Variants in ZNF385D observed in about 807,000 individuals in gnomAD.
ZNF385D encodes zinc finger protein 659.
A neutral mutation model predicts 35.8 loss-of-function variants in ZNF385D; 15 were observed. The ratio of observed to expected loss-of-function variants is 0.42; its 90% CI spans 0.28 to 0.64. The LOEUF is 0.64. ZNF385D is among the 30% of genes least tolerant of loss of function. The probability of loss-of-function intolerance (pLI) is 0.23; values close to 1 mark genes in which losing one functional copy is unlikely to be tolerated. For synonymous variants in ZNF385D, 212 were observed against 186.8 expected (o/e 1.13, Z -1.10); for missense variants, 474 against 494.6 (o/e 0.96, Z 0.39).
At chr3:21,848,188 A>G (rs1238972772) in intron 3 of ZNF385D, among the ~76,000 whole-genome samples, 1 of 151,936 alleles carries the variant, frequency 6.6e-6, no homozygotes, top group Non-Finnish European at 1.5e-5. Flanking sequence ...CTTTTTTTTA[A>G]AAAAGGACAA....
chr3:21,709,058 T>C (rs2068007041), intron 1 of ZNF385D, among the ~76,000 whole-genome samples: 2 of 152,118 alleles, frequency 1.3e-5, no homozygotes, highest in African/African-American at 4.8e-5. Context: ...TAATTAAAAC[T>C]CTCACAGGCT....
chr3:22,031,402 A>C (rs1044791202), intron 3 of ZNF385D, among the ~76,000 whole-genome samples: 1 of 152,148 alleles, frequency 6.6e-6, no homozygotes, highest in Non-Finnish European at 1.5e-5. Context: ...AGAGGTTCCC[A>C]AAACCTCAGC....
At chr3:21,441,596 A>T in intron 4 of ZNF385D, 1 of 696,546 alleles carries the variant, frequency 1.4e-6, no homozygotes, top group Non-Finnish European at 1.8e-6. Flanking sequence ...TCAATTACGT[A>T]TATCCAAATA....
intron 3 of ZNF385D, among the ~76,000 whole-genome samples, chr3:21,546,429 A>G (rs150768287): frequency 0.011 from 1,654 of 152,202 alleles, 9 homozygotes; most frequent in Non-Finnish European, 0.015. Context: ...AATCCCAGCA[A>G]GCCTAACTAT....
At chr3:21,916,853 T>A (rs1015605551) in intron 3 of ZNF385D, among the ~76,000 whole-genome samples, 1 of 152,190 alleles carries the variant, frequency 6.6e-6, no homozygotes, top group African/African-American at 2.4e-5. Context: ...AAAAGGAAAC[T>A]TAGCTTTAGA....
At chr3:22,226,336 G>C (rs933244870) in intron 2 of ZNF385D, among the ~76,000 whole-genome samples, 1 of 152,038 alleles carries the variant, frequency 6.6e-6, no homozygotes, top group African/African-American at 2.4e-5. Flanking sequence ...GAATCTTAGA[G>C]TCATAAACAG....
chr3:21,518,333 T>A (rs1707704831), intron 3 of ZNF385D, among the ~76,000 whole-genome samples: 1 of 152,180 alleles, frequency 6.6e-6, no homozygotes, highest in African/African-American at 2.4e-5. Flanking sequence ...AACATCCTTA[T>A]AATTCTAACA....
chr3:22,127,175 T>C (rs1477129837), intron 3 of ZNF385D, among the ~76,000 whole-genome samples: 5 of 152,046 alleles, frequency 3.3e-5, no homozygotes, highest in Non-Finnish European at 7.4e-5. Flanking sequence ...CATTCAATGT[T>C]ATTATTGATA....
chr3:21,663,519 G>C (rs976571608), intron 2 of ZNF385D, among the ~76,000 whole-genome samples: 1 of 151,984 alleles, frequency 6.6e-6, no homozygotes, highest in Non-Finnish European at 1.5e-5. Context: ...CTTAACAGAA[G>C]AGCAGGCAAG....
At chr3:21,974,247 T>C (rs1003333759) in intron 3 of ZNF385D, among the ~76,000 whole-genome samples, 3 of 151,986 alleles carry the variant, frequency 2.0e-5, no homozygotes, top group East Asian at 1.9e-4. Flanking sequence ...TGGAACAGAA[T>C]AGAGAACCCA....
At chr3:21,654,647 A>C (rs12152385) in intron 2 of ZNF385D, among the ~76,000 whole-genome samples, 13,085 of 152,134 alleles carry the variant, frequency 0.086, 679 homozygotes, top group East Asian at 0.17. Flanking sequence ...ATAGACCAAT[A>C]CTTTTATAAA....
chr3:22,138,979 C>T (rs1394590822), intron 3 of ZNF385D, among the ~76,000 whole-genome samples: 4 of 152,094 alleles, frequency 2.6e-5, no homozygotes, highest in Non-Finnish European at 4.4e-5. Context: ...AAGAAAAAAA[C>T]AAACAACCCC....
At chr3:21,759,390 C>CCGGGGGAGGGGGGAGGGATAGCATTGGG (rs1559593937) in intron 3 of ZNF385D, among the ~76,000 whole-genome samples, 3 of 151,700 alleles carry the variant, frequency 2.0e-5, no homozygotes, top group African/African-American at 7.3e-5. Context: ...GATCTTCAAG[C>CCGGGGGAGGGGGGAGGGATAGCATTGGG]AATGTAAGGT....
intron 3 of ZNF385D, among the ~76,000 whole-genome samples, chr3:21,922,061 C>G (rs368823183): frequency 2.0e-5 from 3 of 151,984 alleles, no homozygotes; most frequent in Admixed American, 1.3e-4. Flanking sequence ...AATGACAGGT[C>G]AATATTCCTG....
chr3:21,918,799 AT>A, intron 3 of ZNF385D, among the ~76,000 whole-genome samples: 1 of 152,222 alleles, frequency 6.6e-6, no homozygotes, highest in Non-Finnish European at 1.5e-5. Flanking sequence ...ATTTTTAATC[AT>A]TTTAGTTAAA....
chr3:22,021,883 A>G (rs1697243925), intron 3 of ZNF385D, among the ~76,000 whole-genome samples: 1 of 152,070 alleles, frequency 6.6e-6, no homozygotes, highest in Non-Finnish European at 1.5e-5. Flanking sequence ...TGCACTTGGA[A>G]TGTTTAGAAT....
rs73050131 is a variant in ZNF385D at position 22,027,210 on chromosome 3, G to A, written c.325+141607C>T. ...CCTACAACCAAGAAAGAGGTACAAT[G>A]CCTAGTCCACTTATTTGGATTTTGG... On this transcript the variant is annotated intron_variant, in intron 3 of 5. Coordinates refer to the ZNF385D transcript ENST00000494108. 3.5e-3 allele frequency among the ~76,000 whole-genome samples: 535 copies of A among 152,264 alleles called. 1 individual carries two copies. Among genetic ancestry groups the A allele is most frequent in the Non-Finnish European group, 4.6e-3 (312 of 68,022 alleles).
chr3:21,704,317 G>A (rs1407608213), intron 1 of ZNF385D, among the ~76,000 whole-genome samples: 1 of 151,938 alleles, frequency 6.6e-6, no homozygotes, highest in Non-Finnish European at 1.5e-5. Flanking sequence ...CTGAATTCCA[G>A]ATGAAAAGCC....
At chr3:21,765,429 T>C (rs1011241328) in intron 3 of ZNF385D, among the ~76,000 whole-genome samples, 24 of 152,188 alleles carry the variant, frequency 1.6e-4, no homozygotes, top group South Asian at 6.2e-4. Context: ...ACATAACTGA[T>C]TTGATTAGGA....
Sources: gnomAD v4.1 joint callset for allele counts (sites outside exome capture counted in the v4.1 genomes callset) on GRCh38, gnomAD v4.1.1 for gene constraint, MANE v1.5 for transcripts, NCBI Gene and HGNC (gene_info 2026-07-23, HGNC 2026-07-21) for gene names.